RSU1: variants seen among roughly 807,000 people sequenced by gnomAD.
RSU1 encodes rsu-1.
A neutral mutation model predicts 31.1 loss-of-function variants in RSU1; 26 were observed. The observed-to-expected ratio is 0.84, with a 90% CI of 0.61 to 1.16. RSU1 has a LOEUF of 1.16. RSU1 is among the 50% of genes most tolerant of loss of function. The probability of loss-of-function intolerance (pLI) is 0.00; values close to 1 mark genes in which losing one functional copy is unlikely to be tolerated. For synonymous variants in RSU1, 164 were observed against 136.3 expected (o/e 1.20, Z -1.41); for missense variants, 320 against 339.1 (o/e 0.94, Z 0.44).
intron 7 of RSU1, among the ~76,000 whole-genome samples, chr10:16,719,570 T>C (rs1244244819): frequency 6.6e-6 from 1 of 152,228 alleles, no homozygotes. Flanking sequence ...TTTTAGTTTC[T>C]CCCAGAATCT....
chr10:16,649,865 A>G (rs1361295978), intron 8 of RSU1, among the ~76,000 whole-genome samples: 6 of 152,210 alleles, frequency 3.9e-5, no homozygotes. Flanking sequence ...ACAGCAATAA[A>G]GTCCCAATTT....
intron 3 of RSU1, chr10:16,767,337 A>T (rs1342560907): frequency 1.3e-5 from 2 of 152,246 alleles, no homozygotes; most frequent in Non-Finnish European, 2.9e-5. Flanking sequence ...AGTGCAATTA[A>T]ATGCTGGTCT....
intron 2 of RSU1, among the ~76,000 whole-genome samples, chr10:16,805,438 G>A (rs1401916232): frequency 1.3e-5 from 2 of 152,040 alleles, no homozygotes; most frequent in East Asian, 1.9e-4. Context: ...TTGGGAGGCC[G>A]AGGAGGGTGG....
At chr10:16,639,085 T>C (rs748464273) in intron 8 of RSU1, among the ~76,000 whole-genome samples, 25 of 152,330 alleles carry the variant, frequency 1.6e-4, no homozygotes, top group South Asian at 6.2e-4. Flanking sequence ...CGAGTGGTAA[T>C]GTATGGGGTA....
chr10:16,735,780 G>C (rs1836613146), intron 7 of RSU1, among the ~76,000 whole-genome samples: 1 of 152,114 alleles, frequency 6.6e-6, no homozygotes, highest in African/African-American at 2.4e-5. Flanking sequence ...ACTATCACAA[G>C]AACAGAAGCA....
intron 8 of RSU1, among the ~76,000 whole-genome samples, chr10:16,669,277 T>C (rs1835059547): frequency 6.6e-6 from 1 of 152,136 alleles, no homozygotes; most frequent in African/African-American, 2.4e-5. Flanking sequence ...ACCCAGAATG[T>C]AGAACTGTCA....
intron 2 of RSU1, among the ~76,000 whole-genome samples, chr10:16,812,510 C>T (rs1465488154): frequency 6.6e-5 from 10 of 151,934 alleles, no homozygotes; most frequent in Middle Eastern, 3.2e-3. Context: ...ATTACAGGTC[C>T]TCCCCAGCTC....
chr10:16,666,551 G>A (rs1280930948), intron 8 of RSU1, among the ~76,000 whole-genome samples: 2 of 152,178 alleles, frequency 1.3e-5, no homozygotes, highest in African/African-American at 2.4e-5. Context: ...GCCGAGGCAG[G>A]TGGATCACAT....
intron 2 of RSU1, among the ~76,000 whole-genome samples, chr10:16,782,359 G>A (rs1016362642): frequency 6.6e-6 from 1 of 152,170 alleles, no homozygotes; most frequent in African/African-American, 2.4e-5. Context: ...AGTTAGCTCT[G>A]CGTGGCGCCC....
At chr10:16,768,941 C>T (rs1177592813) in intron 3 of RSU1, among the ~76,000 whole-genome samples, 1 of 152,204 alleles carries the variant, frequency 6.6e-6, no homozygotes, top group African/African-American at 2.4e-5. Context: ...TGACACAGCC[C>T]CTTCCTGAGC....
intron 7 of RSU1, among the ~76,000 whole-genome samples, chr10:16,714,247 C>A (rs1836083015): frequency 6.6e-6 from 1 of 152,154 alleles, no homozygotes; most frequent in African/African-American, 2.4e-5. Context: ...GCCAGCTGCA[C>A]ATAGGTGCAG....
In RSU1 at chr10:16,673,171, C is replaced by T. The variant is rs11254138; in HGVS notation, c.731+21852G>A. ...CCCATTGAAATGCTTCTTCAGGGTC[C>T]ATAAGTCCCGCTGGGAGAAGCGTTC... On this transcript the variant is annotated intron_variant, in intron 8 of 8. Transcript: ENST00000345264. Among the ~76,000 whole-genome samples, 719 of 152,304 alleles carry T rather than the reference C, an allele frequency of 4.7e-3. 5 individuals are homozygous for T. Among genetic ancestry groups the T allele is most frequent in the Non-Finnish European group, 8.0e-3 (543 of 68,032 alleles).
intron 2 of RSU1, among the ~76,000 whole-genome samples, chr10:16,812,696 A>G (rs933452004): frequency 2.0e-5 from 3 of 152,138 alleles, no homozygotes; most frequent in African/African-American, 7.2e-5. Flanking sequence ...TCTGAAAAAT[A>G]TTTTAGTCTA....
chr10:16,739,910 C>T (rs1836718349), intron 7 of RSU1, among the ~76,000 whole-genome samples: 1 of 151,966 alleles, frequency 6.6e-6, no homozygotes, highest in Non-Finnish European at 1.5e-5. Flanking sequence ...CGTGCCCGGC[C>T]AAAATGTACA....
chr10:16,664,003 C>A (rs961311979), intron 8 of RSU1, among the ~76,000 whole-genome samples: 5 of 152,154 alleles, frequency 3.3e-5, no homozygotes, highest in African/African-American at 1.2e-4. Context: ...TTACTCTACA[C>A]TCCAGGAGTC....
chr10:16,722,465 G>T (rs1156415971), intron 7 of RSU1, among the ~76,000 whole-genome samples: 3 of 152,134 alleles, frequency 2.0e-5, no homozygotes, highest in African/African-American at 7.2e-5. Flanking sequence ...CAAGAGGAGT[G>T]GAGGAGCCCA....
chr10:16,665,718 A>C (rs950098676), intron 8 of RSU1, among the ~76,000 whole-genome samples: 1 of 152,214 alleles, frequency 6.6e-6, no homozygotes, highest in African/African-American at 2.4e-5. Flanking sequence ...AACCTATGTA[A>C]AAAGATCATA....
At chr10:16,789,929 C>G (rs763780030) in intron 2 of RSU1, among the ~76,000 whole-genome samples, 3 of 152,160 alleles carry the variant, frequency 2.0e-5, no homozygotes, top group Admixed American at 1.3e-4. Flanking sequence ...CAGTTAAATA[C>G]TACAGTGCCT....
At chr10:16,651,336 C>T (rs1834680891) in intron 8 of RSU1, among the ~76,000 whole-genome samples, 1 of 152,150 alleles carries the variant, frequency 6.6e-6, no homozygotes, top group Non-Finnish European at 1.5e-5. Flanking sequence ...AAAATTTATT[C>T]AAGGAAGTGT....
Sources: allele counts gnomAD v4.1 joint callset (sites outside exome capture counted in the v4.1 genomes callset), GRCh38; gene constraint gnomAD v4.1.1; transcripts MANE v1.5; gene names NCBI Gene and HGNC (gene_info 2026-07-23, HGNC 2026-07-21).